GRIP1: variants seen among roughly 807,000 people sequenced by gnomAD.
GRIP1 encodes the protein glutamate receptor-interacting protein 1.
A neutral mutation model predicts 129.9 loss-of-function variants in GRIP1; 45 were observed. That is an observed-to-expected ratio of 0.35 (90% CI 0.27 to 0.44). The LOEUF (loss-of-function observed/expected upper bound fraction) is 0.44, where lower values mean the gene tolerates loss of function less well. Ranked by LOEUF, GRIP1 falls within the 20% of genes least tolerant of loss-of-function variation. The probability of loss-of-function intolerance (pLI) is 1.00; values close to 1 mark genes in which losing one functional copy is unlikely to be tolerated. For missense variants in GRIP1, 1,196 were observed against 1,396.8 expected, an observed-to-expected ratio of 0.86 and a Z score of 2.29; for synonymous variants, 530 against 520.8, an observed-to-expected ratio of 1.02 and a Z score of -0.24.
chr12:66,793,166 T>C (rs1007460496), intron 1 of GRIP1, among the ~76,000 whole-genome samples: 1 of 152,212 alleles, frequency 6.6e-6, no homozygotes, highest in African/African-American at 2.4e-5. Context: ...TTTTTGTTTA[T>C]ATAGATGCAT....
intron 7 of GRIP1, among the ~76,000 whole-genome samples, chr12:66,465,898 A>G (rs564699864): frequency 9.2e-5 from 14 of 152,270 alleles, no homozygotes; most frequent in Admixed American, 6.5e-4. Context: ...GGAAGGGAGG[A>G]AGGGAGGAAG....
intron 1 of GRIP1, among the ~76,000 whole-genome samples, chr12:66,937,198 A>G (rs991323400): frequency 6.6e-6 from 1 of 152,004 alleles, no homozygotes; most frequent in Non-Finnish European, 1.5e-5. Context: ...CTGTGCATAA[A>G]TGTCATTTCT....
intron 2 of GRIP1, among the ~76,000 whole-genome samples, chr12:66,576,854 A>G (rs1232492185): frequency 2.0e-5 from 3 of 152,226 alleles, no homozygotes; most frequent in Non-Finnish European, 4.4e-5. Context: ...CCTAGCTCTT[A>G]AGAGTGATTC....
Position 66,665,758 on chromosome 12 carries a change from G to A in GRIP1, c.55+13092C>T, listed in dbSNP as rs1013076095. Among the ~76,000 whole-genome samples, 7 of 152,100 alleles carry A rather than the reference G, an allele frequency of 4.6e-5. No homozygotes were observed. In the East Asian group the frequency reaches 1.3e-3, roughly 29 times the overall value. On this transcript the variant is annotated intron_variant, in intron 1 of 24. Coordinates refer to ENST00000359742, the MANE Select transcript of GRIP1 (RefSeq NM_001366722.1). ...TTCTTGTACAAGTCTTTTGAGTCAC[G>A]TAGCATGCATTTTTTTGGGTATAAA...
intron 1 of GRIP1, among the ~76,000 whole-genome samples, chr12:66,949,745 C>T (rs1217830015): frequency 6.8e-6 from 1 of 147,806 alleles, no homozygotes; most frequent in Non-Finnish European, 1.5e-5. Flanking sequence ...GAACTGATAA[C>T]ACTGCATGCT....
At position 66,930,072 on chromosome 12, in the gene GRIP1, C is replaced by T. The variant is rs1312651182; in HGVS notation, c.58+138978G>A. Reference sequence around the variant, plus strand: ...CTCTCTCTCTTTTTTTTTTTTTTTACGTCAATGCATACTTTCTTTTGGCCT... The same window carrying T: ...CTCTCTCTCTTTTTTTTTTTTTTTATGTCAATGCATACTTTCTTTTGGCCT... On this transcript the variant is annotated intron_variant, in intron 1 of 1. Transcript: ENST00000643019. Among the ~76,000 whole-genome samples, 42 of 121,214 alleles carry T rather than the reference C, an allele frequency of 3.5e-4. 1 individual carries two copies. Among genetic ancestry groups the T allele is most frequent in the Admixed American group, 3.2e-3 (39 of 12,060 alleles). The allele number at this position is 121,214 out of a possible 152,430, so 79.5% of individuals were successfully genotyped here. A position where few individuals can be genotyped will look rare whatever the true frequency, so the allele number is the denominator to read the frequency against.
At chr12:66,861,922 T>A (rs2040119270) in intron 1 of GRIP1, among the ~76,000 whole-genome samples, 1 of 152,086 alleles carries the variant, frequency 6.6e-6, no homozygotes, top group South Asian at 2.1e-4. Context: ...ACCATAGTAA[T>A]GCTGTAACTT....
At chr12:66,356,689 A>G (rs1168356) in intron 23 of GRIP1, among the ~76,000 whole-genome samples, 64,709 of 151,370 alleles carry the variant, frequency 0.43, 14,249 homozygotes, top group East Asian at 0.52. Flanking sequence ...TCAAGCAAAC[A>G]CCAGTCCGCA....
At chr12:66,366,674 ATTTT>A (rs1287735300) in intron 23 of GRIP1, among the ~76,000 whole-genome samples, 2 of 152,100 alleles carry the variant, frequency 1.3e-5, no homozygotes, top group African/African-American at 4.8e-5. Context: ...TGTCAATATG[ATTTT>A]TGTTTTTGTT....
intron 1 of GRIP1, among the ~76,000 whole-genome samples, chr12:67,066,699 C>T (rs2043631745): frequency 6.6e-6 from 1 of 151,796 alleles, no homozygotes; most frequent in Admixed American, 6.6e-5. Context: ...TCCAATTCAA[C>T]GTTATTTGAA....
intron 1 of GRIP1, among the ~76,000 whole-genome samples, chr12:66,620,779 A>C (rs1592659573): frequency 1.4e-5 from 2 of 145,308 alleles, no homozygotes; most frequent in African/African-American, 2.6e-5. Context: ...CACCCCCCCA[A>C]CCCCTCCCCC....
intron 1 of GRIP1, among the ~76,000 whole-genome samples, chr12:66,660,816 T>A (rs889845253): frequency 2.6e-5 from 4 of 152,136 alleles, no homozygotes; most frequent in African/African-American, 4.8e-5. Flanking sequence ...GAATAAGATA[T>A]GGGCTATGCC....
intron 1 of GRIP1, among the ~76,000 whole-genome samples, chr12:66,700,510 T>C (rs893574766): frequency 6.6e-6 from 1 of 151,348 alleles, no homozygotes; most frequent in Admixed American, 6.6e-5. Flanking sequence ...GTCACAGGCA[T>C]CATCACAGCT....
At chr12:67,059,021 C>T (rs999445610) in intron 1 of GRIP1, among the ~76,000 whole-genome samples, 7 of 152,212 alleles carry the variant, frequency 4.6e-5, no homozygotes, top group Non-Finnish European at 8.8e-5. Flanking sequence ...ATTTAGAGAA[C>T]ATTGTGGCCA....
chr12:66,991,455 C>A, intron 1 of GRIP1, among the ~76,000 whole-genome samples: 1 of 152,014 alleles, frequency 6.6e-6, no homozygotes. Flanking sequence ...ATATTTCTTC[C>A]CTATAGCTGA....
intron 1 of GRIP1, among the ~76,000 whole-genome samples, chr12:66,963,499 A>G (rs934600014): frequency 2.6e-5 from 4 of 152,042 alleles, no homozygotes; most frequent in African/African-American, 9.7e-5. Context: ...AAGAAGGAAT[A>G]AGGAGGTTAA....
intron 1 of GRIP1, among the ~76,000 whole-genome samples, chr12:66,926,007 G>C (rs1360377831): frequency 6.6e-6 from 1 of 152,146 alleles, no homozygotes; most frequent in Non-Finnish European, 1.5e-5. Flanking sequence ...AATGAATTCT[G>C]ATTAATAAAT....
chr12:66,487,338 G>T (rs149041776), intron 7 of GRIP1, among the ~76,000 whole-genome samples: 26 of 152,248 alleles, frequency 1.7e-4, no homozygotes, highest in African/African-American at 6.0e-4. Context: ...CATTCTTAAA[G>T]AAAATAATTT....
At chr12:66,629,265 C>T (rs535131882) in intron 1 of GRIP1, among the ~76,000 whole-genome samples, 3 of 152,174 alleles carry the variant, frequency 2.0e-5, no homozygotes, top group Non-Finnish European at 4.4e-5. Context: ...AATGAATGAG[C>T]CTGGCTGGAG....
Sources: gnomAD v4.1 joint callset for allele counts (sites outside exome capture counted in the v4.1 genomes callset) on GRCh38, gnomAD v4.1.1 for gene constraint, MANE v1.5 for transcripts, NCBI Gene and HGNC (gene_info 2026-07-23, HGNC 2026-07-21) for gene names.